DCDC1: variants seen among roughly 807,000 people sequenced by gnomAD.
The protein encoded by DCDC1 is doublecortin domain-containing protein 1.
A neutral mutation model predicts 178.3 loss-of-function variants in DCDC1; 200 were observed. The observed-to-expected ratio is 1.12, with a 90% CI of 1.00 to 1.26. The LOEUF (loss-of-function observed/expected upper bound fraction) is 1.26. Among genes scored for constraint, DCDC1 ranks in the 50% most tolerant of loss-of-function variants. The pLI, the probability that DCDC1 is intolerant of heterozygous loss-of-function variation, is 0.00. For synonymous variants in DCDC1, 690 were observed against 604.8 expected (o/e 1.14, Z -2.07); for missense variants, 1,983 against 1,749.2 (o/e 1.13, Z -2.38).
chr11:31,280,466 C>T (rs919686165), intron 7 of DCDC1, among the ~76,000 whole-genome samples: 7 of 152,104 alleles, frequency 4.6e-5, no homozygotes, highest in Non-Finnish European at 7.4e-5. Context: ...TTACTGAATT[C>T]GAATTACTAT....
intron 22 of DCDC1, among the ~76,000 whole-genome samples, chr11:30,925,651 G>T (rs1303275379): frequency 1.3e-5 from 2 of 152,118 alleles, no homozygotes; most frequent in African/African-American, 2.4e-5. Context: ...CAGGGTTTCT[G>T]TGAAGATTAA....
intron 20 of DCDC1, among the ~76,000 whole-genome samples, chr11:31,045,899 A>T (rs1415655609): frequency 2.6e-5 from 4 of 152,146 alleles, no homozygotes; most frequent in Admixed American, 6.5e-5. Flanking sequence ...CCATTTTCCA[A>T]GCTTCTCCAG....
At chr11:31,188,170 T>C (rs1969728901) in intron 9 of DCDC1, among the ~76,000 whole-genome samples, 1 of 152,044 alleles carries the variant, frequency 6.6e-6, no homozygotes, top group South Asian at 2.1e-4. Context: ...AGGTATATTC[T>C]CAGGAATTTT....
In DCDC1 at chr11:31,203,827, T is replaced by C. The variant is rs544436049; in HGVS notation, c.1221+37623A>G. Among the ~76,000 whole-genome samples, 4 of 152,294 alleles carry C rather than the reference T, an allele frequency of 2.6e-5. No homozygotes were observed. In the South Asian group the frequency reaches 6.2e-4, roughly 24 times the overall value. ...CAAGATATCACTATCACTGCTTCTA[T>C]TCAACATTACACTGGAATATTGACC... is the stretch of plus-strand genomic sequence containing the variant. On this transcript the variant is annotated intron_variant, in intron 9 of 38. Transcript: ENST00000684477.
At chr11:30,873,358 T>G (rs398088) in intron 38 of DCDC1, among the ~76,000 whole-genome samples, 35,845 of 136,698 alleles carry the variant, frequency 0.26, 4,726 homozygotes, top group Non-Finnish European at 0.31. Flanking sequence ...TATATATATA[T>G]ATATATAGAG....
At chr11:31,093,612 T>C (rs1411455201) in intron 16 of DCDC1, among the ~76,000 whole-genome samples, 3 of 152,220 alleles carry the variant, frequency 2.0e-5, no homozygotes, top group African/African-American at 7.2e-5. Flanking sequence ...CTCATGTTTA[T>C]ACTCAGGGAT....
At chr11:31,019,142 T>C (rs936793596) in intron 20 of DCDC1, among the ~76,000 whole-genome samples, 2 of 152,154 alleles carry the variant, frequency 1.3e-5, no homozygotes, top group African/African-American at 2.4e-5. Flanking sequence ...TCCTCATCTA[T>C]AAAATGAGAG....
chr11:31,105,997 C>T (rs576559831), intron 13 of DCDC1, among the ~76,000 whole-genome samples: 1 of 152,292 alleles, frequency 6.6e-6, no homozygotes. Flanking sequence ...AGTTTCCTGA[C>T]AAGCAGTTTC....
chr11:31,298,883 TA>T (rs1167202491), intron 6 of DCDC1, among the ~76,000 whole-genome samples: 1 of 152,168 alleles, frequency 6.6e-6, no homozygotes, highest in African/African-American at 2.4e-5. Flanking sequence ...ACAAGCTTAT[TA>T]AAAAAATTTG....
rs150184211 is a variant in DCDC1 at position 30,944,054 on chromosome 11, T to C, written c.2715+8391A>G. On this transcript the variant is annotated intron_variant, in intron 21 of 38. Transcript: ENST00000684477. ...TGTTAGATGGTTTTCCTAGATTTAG[T>C]ATTTTTACTTAATTTTCAGGCCCAT... is the stretch of plus-strand genomic sequence containing the variant. The C allele has an allele frequency of 4.8e-5, 12 of 248,286 alleles. 1 individual carries two copies. Among genetic ancestry groups the C allele is most frequent in the African/African-American group, 2.5e-4 (11 of 44,522 alleles). 15.4% of individuals were successfully genotyped at this position (248,286 alleles called of 1,614,324 possible). A position where few individuals can be genotyped will look rare whatever the true frequency, so the allele number is the denominator to read the frequency against.
chr11:30,974,368 G>T (rs894734934), intron 20 of DCDC1, among the ~76,000 whole-genome samples: 11 of 149,618 alleles, frequency 7.4e-5, no homozygotes, highest in East Asian at 2.0e-4. Flanking sequence ...TAGAAGGAAA[G>T]AAATAATATC....
chr11:31,280,742 A>T (rs1338869090), intron 7 of DCDC1: 4 of 593,560 alleles, frequency 6.7e-6, no homozygotes, highest in Admixed American at 3.8e-5. Context: ...GCCGGCAAAG[A>T]TCATTTTTAT....
chr11:31,107,536 T>C (rs1958931532), intron 12 of DCDC1, among the ~76,000 whole-genome samples: 1 of 152,206 alleles, frequency 6.6e-6, no homozygotes, highest in Admixed American at 6.5e-5. Flanking sequence ...TTTTAAGTTG[T>C]AAGAAAGACA....
intron 21 of DCDC1, chr11:30,943,711 T>C: frequency 2.2e-6 from 1 of 445,094 alleles, no homozygotes; most frequent in Non-Finnish European, 4.5e-6. Flanking sequence ...TTTATTAATG[T>C]TGGTTTTCAA....
chr11:31,309,138 A>G (rs1050580569), intron 3 of DCDC1, among the ~76,000 whole-genome samples: 18 of 55,422 alleles, frequency 3.2e-4, no homozygotes, highest in African/African-American at 1.2e-3. Context: ...GGGAAAATAG[A>G]TGTTTGTGTG....
intron 3 of DCDC1, among the ~76,000 whole-genome samples, chr11:31,310,823 G>T (rs1197272866): frequency 6.6e-6 from 1 of 152,068 alleles, no homozygotes; most frequent in Admixed American, 6.6e-5. Context: ...GCACACTTAG[G>T]CTTCAAGTGA....
chr11:31,008,841 A>G (rs1453624261), intron 20 of DCDC1, among the ~76,000 whole-genome samples: 1 of 152,222 alleles, frequency 6.6e-6, no homozygotes, highest in Non-Finnish European at 1.5e-5. Flanking sequence ...ATTGTAGAAA[A>G]TAAAATAAAT....
At chr11:30,903,751 T>C (rs1944873213) in intron 31 of DCDC1, 68 bp from the exon 32 acceptor site, 1 of 1,276,974 alleles carries the variant, frequency 7.8e-7, no homozygotes, top group Non-Finnish European at 1.0e-6. Flanking sequence ...CATTAAGAGC[T>C]TGTCATTCTA....
At position 30,944,969 on chromosome 11, in the gene DCDC1, T is replaced by G. The variant is rs1318068731; in HGVS notation, c.2715+7476A>C. On this transcript the variant is annotated intron_variant, in intron 21 of 38. Coordinates refer to ENST00000684477, the MANE Select transcript of DCDC1 (RefSeq NM_001387274.1). ...CATCAACAAAAATGTCTTTTTTTTTTTTTTTTTTTTTTTTTTTGAGACGGA... is the reference window on the plus strand; with the variant it reads ...CATCAACAAAAATGTCTTTTTTTTTGTTTTTTTTTTTTTTTTTGAGACGGA... 2.2e-5 allele frequency among the ~76,000 whole-genome samples: 3 copies of G among 135,356 alleles called. No individual in the cohort carries two copies. In the East Asian group the frequency reaches 6.3e-4, roughly 28 times the overall value. 88.8% of individuals were successfully genotyped at this position (135,356 alleles called of 152,430 possible).
Sources: allele counts gnomAD v4.1 joint callset (sites outside exome capture counted in the v4.1 genomes callset), GRCh38; gene constraint gnomAD v4.1.1; transcripts MANE v1.5; gene names NCBI Gene and HGNC (gene_info 2026-07-23, HGNC 2026-07-21).